NR1H4: variants seen among roughly 807,000 people sequenced by gnomAD.
NR1H4 encodes nuclear receptor subfamily 1 group H member 4.
Under a neutral mutation model 58.5 loss-of-function variants are expected in NR1H4, and 23 were observed. The ratio of observed to expected loss-of-function variants is 0.39; its 90% CI spans 0.28 to 0.56. The LOEUF (loss-of-function observed/expected upper bound fraction) is 0.56, where lower values mean the gene tolerates loss of function less well. Ranked by LOEUF, NR1H4 falls within the 20% of genes least tolerant of loss-of-function variation. The pLI, the probability that NR1H4 is intolerant of heterozygous loss-of-function variation, is 0.58. For missense variants in NR1H4, 487 were observed against 576.9 expected, an observed-to-expected ratio of 0.84 and a Z score of 1.60; for synonymous variants, 214 against 198.0, an observed-to-expected ratio of 1.08 and a Z score of -0.68.
At chr12:100,551,419 G>T (rs1955199874) in intron 9 of NR1H4, among the ~76,000 whole-genome samples, 1 of 152,176 alleles carries the variant, frequency 6.6e-6, no homozygotes, top group African/African-American at 2.4e-5. Context: ...CTGATTATCA[G>T]TTCAGATACT....
intron 3 of NR1H4, among the ~76,000 whole-genome samples, chr12:100,504,130 T>C (rs946122544): frequency 1.3e-5 from 2 of 152,136 alleles, no homozygotes; most frequent in South Asian, 4.1e-4. Flanking sequence ...TTTCTCCCAA[T>C]AGTCCATGAA....
rs1395828484 is a variant in NR1H4, at chr12:100,510,845, C to G, written c.147C>G (p.Tyr49Ter). ...QNLEVEPYSQ[Y>*]SNVQFPQVQP... ...TGGAAGTGGAACCATACTCGCAATA[C>G]AGCAATGTTCAGTTTCCCCAAGTTC... Residue 49 changes from tyrosine to a stop codon, truncating the protein, a stop_gained, in exon 4 of 11, where the codon TAC becomes TAG. Coordinates refer to ENST00000392986, the MANE Select transcript of NR1H4 (RefSeq NM_001206979.2). LOFTEE classifies it high-confidence loss of function. 6.2e-7 allele frequency: 1 copy of G among 1,614,134 alleles called. No homozygotes were observed. The highest frequency in any genetic ancestry group is 8.5e-7 in the Non-Finnish European group (1 of 1,180,016).
chr12:100,487,208 G>A (rs1365595029), intron 1 of NR1H4, among the ~76,000 whole-genome samples: 1 of 152,106 alleles, frequency 6.6e-6, no homozygotes, highest in Admixed American at 6.5e-5. Flanking sequence ...GATGAGAAAA[G>A]CAGTCTTACT....
At chr12:100,547,705 T>TTTTATTTATTTATTTATTTA (rs146393173) in intron 9 of NR1H4, among the ~76,000 whole-genome samples, 15 of 149,890 alleles carry the variant, frequency 1.0e-4, no homozygotes, top group African/African-American at 3.7e-4. Context: ...TATTCCTTTG[T>TTTTATTTATTTATTTATTTA]TTTATTTATT....
chr12:100,488,207 C>T (rs1055608848), intron 1 of NR1H4, among the ~76,000 whole-genome samples: 13 of 152,204 alleles, frequency 8.5e-5, no homozygotes, highest in Non-Finnish European at 1.5e-4. Flanking sequence ...CTCATGTTGG[C>T]CAGGCTGGTC....
At chr12:100,509,919 A>G (rs1001715100) in intron 3 of NR1H4, among the ~76,000 whole-genome samples, 41 of 142,152 alleles carry the variant, frequency 2.9e-4, no homozygotes, top group Admixed American at 1.4e-3. Context: ...GTGCGCGCAC[A>G]CACACACACA....
chr12:100,560,259 G>C (rs1209128442), intron 9 of NR1H4, among the ~76,000 whole-genome samples: 1 of 152,218 alleles, frequency 6.6e-6, no homozygotes, highest in African/African-American at 2.4e-5. Flanking sequence ...CCAGATAAGA[G>C]AATAAAAGCA....
intron 1 of NR1H4, among the ~76,000 whole-genome samples, chr12:100,475,740 A>T (rs1201845088): frequency 6.6e-6 from 1 of 151,724 alleles, no homozygotes; most frequent in Non-Finnish European, 1.5e-5. Flanking sequence ...TTTACTTTTT[A>T]TTATTATTTT....
In NR1H4 at chr12:100,564,389, T is replaced by A. The variant is rs945175290; in HGVS notation, c.*900T>A. ...CTTCTCCCTATTATCCTTTGGTGAATACAATAAAACACCTTCTATAAGTAA... is the reference window on the plus strand; with the variant it reads ...CTTCTCCCTATTATCCTTTGGTGAAAACAATAAAACACCTTCTATAAGTAA... On this transcript the variant is annotated 3_prime_UTR_variant, in exon 11 of 11. Transcript: ENST00000392986. The A allele has an allele frequency of 6.6e-6, 1 of 152,218 alleles. No individual in the cohort carries two copies. Among genetic ancestry groups the A allele is most frequent in the Non-Finnish European group, 1.5e-5 (1 of 68,036 alleles). 9.4% of individuals were successfully genotyped at this position (152,218 alleles called of 1,614,324 possible). A position where few individuals can be genotyped will look rare whatever the true frequency, so the allele number is the denominator to read the frequency against.
intron 5 of NR1H4, 53 bp downstream of exon 5, chr12:100,532,663 GTCAGGTAAC>G: frequency 6.6e-7 from 1 of 1,521,436 alleles, no homozygotes; most frequent in Admixed American, 1.7e-5. Flanking sequence ...GGAGGCAGAT[GTCAGGTAAC>G]TCATCACGAG....
At chr12:100,480,540 A>G (rs1443429867) in intron 1 of NR1H4, among the ~76,000 whole-genome samples, 1 of 152,114 alleles carries the variant, frequency 6.6e-6, no homozygotes, top group East Asian at 1.9e-4. Context: ...CCCACCTCCT[A>G]TGGGAATTTT....
In NR1H4 at chr12:100,510,974, A is replaced by G; in HGVS notation, c.276A>G (p.Pro92=). ...GAATATATGAACTCAGGCGTATGCC[A>G]GCTGAGACTCTCTACCAGGGAGAAA... The part of the protein sequence containing the change: ...SPGIYELRRM[P]AETLYQGETE... Residue 92 remains proline, a synonymous_variant, in exon 4 of 11, where the codon CCA becomes CCG. Coordinates refer to ENST00000392986, the MANE Select transcript of NR1H4 (RefSeq NM_001206979.2). 2.5e-6 allele frequency: 4 copies of G among 1,614,254 alleles called. No homozygotes were observed. Among genetic ancestry groups the G allele is most frequent in the Non-Finnish European group, 3.4e-6 (4 of 1,180,044 alleles).
chr12:100,493,428 T>C (rs1198799018), intron 3 of NR1H4, 26 bp downstream of exon 3: 2 of 1,135,372 alleles, frequency 1.8e-6, no homozygotes, highest in Non-Finnish European at 2.6e-6. Context: ...CATTTGAATA[T>C]CAATAAGAAC....
chr12:100,503,320 C>T lies in NR1H4; in HGVS notation c.80-7458C>T, dbSNP rs569366944. 9.1e-6 allele frequency: 14 copies of T among 1,538,856 alleles called. No individual in the cohort carries two copies. The Middle Eastern group carries it at 1.5e-3, about 168-fold the overall frequency. On this transcript the variant is annotated intron_variant, in intron 3 of 10. Transcript: ENST00000392986. ...CTCCGTAATGAAGTTAATCAGTAAA[C>T]CACACAACCTCTGTCCTCTCTCACT...
chr12:100,478,185 T>TG (rs1261864900), intron 1 of NR1H4, among the ~76,000 whole-genome samples: 1 of 151,432 alleles, frequency 6.6e-6, no homozygotes. Flanking sequence ...TGCATGTGTG[T>TG]GGGGGGTGGG....
intron 4 of NR1H4, among the ~76,000 whole-genome samples, chr12:100,515,165 C>CTTTTTTTTT (rs59404984): frequency 1.1e-5 from 1 of 94,860 alleles, no homozygotes; most frequent in Non-Finnish European, 2.0e-5. Context: ...TTTGTCAAAG[C>CTTTTTTTTT]TTTTTTTTTT....
chr12:100,474,562 G>A (rs1408224813), intron 1 of NR1H4, among the ~76,000 whole-genome samples: 2 of 152,164 alleles, frequency 1.3e-5, no homozygotes, highest in Admixed American at 1.3e-4. Context: ...CTTGACTTCA[G>A]TTGTAAACTC....
intron 4 of NR1H4, among the ~76,000 whole-genome samples, chr12:100,512,557 C>T (rs556461594): frequency 5.3e-5 from 8 of 151,706 alleles, no homozygotes; most frequent in South Asian, 4.2e-4. Flanking sequence ...AGGAGAATGG[C>T]GTGAACCCGA....
chr12:100,509,879 A>G (rs1954061433), intron 3 of NR1H4, among the ~76,000 whole-genome samples: 1 of 152,162 alleles, frequency 6.6e-6, no homozygotes, highest in Non-Finnish European at 1.5e-5. Flanking sequence ...CTTCTGTATC[A>G]TGCAGAAATT....
Sources: gnomAD v4.1 joint callset for allele counts (sites outside exome capture counted in the v4.1 genomes callset) on GRCh38, gnomAD v4.1.1 for gene constraint, MANE v1.5 for transcripts, NCBI Gene and HGNC (gene_info 2026-07-23, HGNC 2026-07-21) for gene names.